The following RARB variants were observed in gnomAD, a reference collection of about 807,000 sequenced individuals.
RARB encodes the protein retinoic acid receptor beta.
Under a neutral mutation model 51.9 loss-of-function variants are expected in RARB, and 17 were observed. The ratio of observed to expected loss-of-function variants is 0.33; its 90% CI spans 0.22 to 0.49. RARB has a LOEUF of 0.49. Among genes scored for constraint, RARB ranks in the 20% least tolerant of loss-of-function variants. The pLI is 0.99. For synonymous variants in RARB, 215 were observed against 195.4 expected, an observed-to-expected ratio of 1.10 and a Z score of -0.84; for missense variants, 369 against 550.8, an observed-to-expected ratio of 0.67 and a Z score of 3.30.
At chr3:25,297,353 C>T (rs1207498501) in intron 5 of RARB, among the ~76,000 whole-genome samples, 1 of 150,576 alleles carries the variant, frequency 6.6e-6, no homozygotes, top group Admixed American at 6.6e-5. Context: ...ACAACCTTTC[C>T]CTCCCTATTC....
At chr3:25,555,510 C>T (rs1303517205) in intron 3 of RARB, 1 of 152,154 alleles carries the variant, frequency 6.6e-6, no homozygotes, top group Non-Finnish European at 1.5e-5. Flanking sequence ...GTACCTGGAA[C>T]ATAGTGGATC....
At chr3:25,266,832 G>T (rs897132625) in intron 5 of RARB, among the ~76,000 whole-genome samples, 1 of 152,204 alleles carries the variant, frequency 6.6e-6, no homozygotes, top group African/African-American at 2.4e-5. Context: ...CTGCAAGCCA[G>T]GAGAAGAGCC....
At chr3:25,127,186 G>C (rs1277455903) in intron 3 of RARB, among the ~76,000 whole-genome samples, 2 of 152,024 alleles carry the variant, frequency 1.3e-5, no homozygotes, top group African/African-American at 4.8e-5. Flanking sequence ...TCCTCCAATA[G>C]CTTCTCGTTT....
intron 5 of RARB, among the ~76,000 whole-genome samples, chr3:25,252,402 G>C (rs1028339352): frequency 6.6e-6 from 1 of 152,138 alleles, no homozygotes; most frequent in Non-Finnish European, 1.5e-5. Flanking sequence ...CTAGGATTTT[G>C]ATAGGGGTTG....
chr3:25,200,151 G>A (rs1377308306), intron 5 of RARB, among the ~76,000 whole-genome samples: 1 of 152,184 alleles, frequency 6.6e-6, no homozygotes, highest in African/African-American at 2.4e-5. Flanking sequence ...ACTGGTGTGA[G>A]ATGGTATCTC....
intron 5 of RARB, among the ~76,000 whole-genome samples, chr3:25,193,218 C>G (rs527828746): frequency 6.6e-6 from 1 of 152,058 alleles, no homozygotes; most frequent in South Asian, 2.1e-4. Flanking sequence ...CTTCTCTGAA[C>G]CCTTTAATTC....
chr3:24,893,469 C>A lies in RARB; in HGVS notation c.-380+34717C>A, dbSNP rs190238726. Among the ~76,000 whole-genome samples the A allele has an allele frequency of 7.9e-5, 12 of 152,314 alleles. No individual in the cohort carries two copies. The East Asian group carries it at 2.3e-3, about 29-fold the overall frequency. Reference sequence around the variant, plus strand: ...CAGAGATTAATAAGATGTGGCTCTTCACTGCAAACAGCTCACGCTGATGAC... The same window carrying A: ...CAGAGATTAATAAGATGTGGCTCTTAACTGCAAACAGCTCACGCTGATGAC... On this transcript the variant is annotated intron_variant, in intron 2 of 11. Coordinates refer to the RARB transcript ENST00000383772.
At chr3:25,435,104 C>T (rs1708376984) in intron 1 of RARB, among the ~76,000 whole-genome samples, 1 of 152,110 alleles carries the variant, frequency 6.6e-6, no homozygotes, top group African/African-American at 2.4e-5. Flanking sequence ...CTCCTCAGTC[C>T]ACTGCTGTCT....
intron 2 of RARB, among the ~76,000 whole-genome samples, chr3:24,985,073 A>T (rs1287151254): frequency 1.3e-5 from 2 of 152,212 alleles, no homozygotes; most frequent in Non-Finnish European, 2.9e-5. Flanking sequence ...TGGCTCTCTC[A>T]GTCATATCAT....
intron 5 of RARB, among the ~76,000 whole-genome samples, chr3:25,309,123 G>C (rs1704222720): frequency 6.8e-6 from 1 of 146,196 alleles, no homozygotes. Flanking sequence ...CGTGGACTGT[G>C]CCTCCATTTT....
intron 5 of RARB, among the ~76,000 whole-genome samples, chr3:25,397,153 T>C (rs73820467): frequency 0.12 from 18,623 of 152,248 alleles, 1,292 homozygotes; most frequent in African/African-American, 0.18. Context: ...CTGGCAGCCC[T>C]CCCCAAGGGT....
At chr3:25,320,216 G>A (rs1704531423) in intron 5 of RARB, among the ~76,000 whole-genome samples, 1 of 151,972 alleles carries the variant, frequency 6.6e-6, no homozygotes, top group African/African-American at 2.4e-5. Flanking sequence ...ATTGAACATT[G>A]CCAGGATGTT....
At chr3:24,928,937 A>G (rs1488257335) in intron 2 of RARB, among the ~76,000 whole-genome samples, 1 of 152,046 alleles carries the variant, frequency 6.6e-6, no homozygotes, top group Non-Finnish European at 1.5e-5. Context: ...CAAACTTTGA[A>G]ACAGAAAAGA....
chr3:25,340,522 A>T (rs1338306047), intron 5 of RARB, among the ~76,000 whole-genome samples: 1 of 152,188 alleles, frequency 6.6e-6, no homozygotes, highest in Non-Finnish European at 1.5e-5. Context: ...TTTATTTTAC[A>T]AGCAGCATGG....
intron 2 of RARB, among the ~76,000 whole-genome samples, chr3:24,960,009 A>G (rs1696103703): frequency 6.6e-6 from 1 of 152,232 alleles, no homozygotes; most frequent in South Asian, 2.1e-4. Context: ...GACAGTGGCT[A>G]ATCCTTGAAA....
At chr3:25,588,071 C>T (rs1224148377) in intron 5 of RARB, among the ~76,000 whole-genome samples, 24 of 152,292 alleles carry the variant, frequency 1.6e-4, no homozygotes, top group Non-Finnish European at 1.2e-4. Flanking sequence ...ATTCTCAGAG[C>T]TCATATTCTA....
chr3:25,465,413 C>G (rs564311692), intron 2 of RARB, among the ~76,000 whole-genome samples: 226 of 152,278 alleles, frequency 1.5e-3, no homozygotes, highest in Non-Finnish European at 2.6e-3. Flanking sequence ...AGCTGAGAAC[C>G]TCTGCTCTAA....
intron 5 of RARB, among the ~76,000 whole-genome samples, chr3:25,270,866 A>G (rs1703241379): frequency 6.6e-6 from 1 of 152,138 alleles, no homozygotes; most frequent in Non-Finnish European, 1.5e-5. Flanking sequence ...ATTACAAGCA[A>G]TGGCAAAAAC....
intron 5 of RARB, among the ~76,000 whole-genome samples, chr3:25,215,384 A>G (rs541538628): frequency 2.6e-5 from 4 of 152,324 alleles, no homozygotes; most frequent in South Asian, 4.1e-4. Context: ...CCTGTGACAC[A>G]TTAGTGAAAT....
Sources: allele counts gnomAD v4.1 joint callset (sites outside exome capture counted in the v4.1 genomes callset), GRCh38; gene constraint gnomAD v4.1.1; transcripts MANE v1.5; gene names NCBI Gene and HGNC (gene_info 2026-07-23, HGNC 2026-07-21).